The following SLC25A13 variants were observed in gnomAD, a reference collection of about 807,000 sequenced individuals.
SLC25A13 encodes electrogenic aspartate/glutamate antiporter SLC25A13, mitochondrial.
In SLC25A13, 70 loss-of-function variants were observed where a neutral mutation model predicts 85.5. The observed-to-expected ratio is 0.82, with a 90% CI of 0.68 to 1.00. SLC25A13 has a LOEUF of 1.00. Ranked by LOEUF, SLC25A13 falls within the 50% of genes least tolerant of loss-of-function variation. SLC25A13 has a pLI of 0.00. For synonymous variants in SLC25A13, 259 were observed against 288.7 expected (o/e 0.90, Z 1.04); for missense variants, 765 against 819.8 (o/e 0.93, Z 0.82).
chr7:96,194,553 T>G (rs966421153), intron 5 of SLC25A13, among the ~76,000 whole-genome samples: 1 of 151,600 alleles, frequency 6.6e-6, no homozygotes, highest in Non-Finnish European at 1.5e-5. Context: ...TAATTTTTAA[T>G]TTTAGTGAGA....
intron 1 of SLC25A13, among the ~76,000 whole-genome samples, chr7:96,317,942 C>G (rs1362241614): frequency 6.6e-6 from 1 of 151,910 alleles, no homozygotes; most frequent in East Asian, 1.9e-4. Context: ...GCCGGGACCA[C>G]AGATGCGTGC....
intron 5 of SLC25A13, among the ~76,000 whole-genome samples, chr7:96,194,277 A>C (rs1314115979): frequency 1.3e-5 from 2 of 150,858 alleles, no homozygotes; most frequent in Admixed American, 1.3e-4. Flanking sequence ...TCTACAAAAA[A>C]AAAAAAAAAA....
At chr7:96,170,004 A>G (rs1020788837) in intron 13 of SLC25A13, 41 bp downstream of exon 13, 1 of 1,585,414 alleles carries the variant, frequency 6.3e-7, no homozygotes, top group African/African-American at 1.3e-5. Flanking sequence ...ATATATGTGA[A>G]ACAAGTCTTT....
At chr7:96,305,665 A>T (rs1331337437) in intron 1 of SLC25A13, among the ~76,000 whole-genome samples, 2 of 152,252 alleles carry the variant, frequency 1.3e-5, no homozygotes, top group African/African-American at 4.8e-5. Context: ...ACGTATTTAT[A>T]AAGTGCTGAA....
chr7:96,168,224 C>T (rs1266869131), intron 13 of SLC25A13, among the ~76,000 whole-genome samples: 1 of 149,232 alleles, frequency 6.7e-6, no homozygotes, highest in Non-Finnish European at 1.5e-5. Context: ...CTGCTACCTA[C>T]AGGATTGCTT....
At chr7:96,221,243 G>T (rs1002522496) in intron 4 of SLC25A13, among the ~76,000 whole-genome samples, 28 of 152,124 alleles carry the variant, frequency 1.8e-4, no homozygotes, top group African/African-American at 6.0e-4. Context: ...CAGTACCCAG[G>T]CATGCCACAA....
chr7:96,205,554 T>C (rs1795427097), intron 5 of SLC25A13, among the ~76,000 whole-genome samples: 1 of 152,212 alleles, frequency 6.6e-6, no homozygotes, highest in African/African-American at 2.4e-5. Context: ...TGCTGAAATC[T>C]TTCCATTCCA....
chr7:96,208,899 A>T lies in SLC25A13; in HGVS notation c.407T>A (p.Leu136Gln). 6.2e-7 allele frequency: 1 copy of T among 1,614,100 alleles called. No individual in the cohort carries two copies. ...TCTTTTTCTTTCTTTTCCAAAATGT[A>T]GTTGCACAAATTCTGAATCCCAGTT... ...PFNWDSEFVQ[L>Q]HFGKERKRHL... The change falls in exon 5 of 18, where the codon CTA becomes CAA. Residue 136 changes from leucine to glutamine, a missense_variant. Leu to Gln is a moderately radical substitution (Grantham distance 113). Coordinates refer to ENST00000265631, the MANE Select transcript of SLC25A13 (RefSeq NM_014251.3).
At chr7:96,310,202 C>T (rs888147319) in intron 1 of SLC25A13, among the ~76,000 whole-genome samples, 2 of 152,130 alleles carry the variant, frequency 1.3e-5, no homozygotes, top group Admixed American at 6.6e-5. Flanking sequence ...CCAGCTGTTT[C>T]GATTCTTTTC....
At chr7:96,311,730 G>A (rs1799958554) in intron 1 of SLC25A13, among the ~76,000 whole-genome samples, 1 of 152,022 alleles carries the variant, frequency 6.6e-6, no homozygotes, top group African/African-American at 2.4e-5. Context: ...GAAAACTGAA[G>A]AGAAGAACTC....
At chr7:96,195,502 T>C (rs1249884826) in intron 5 of SLC25A13, among the ~76,000 whole-genome samples, 2 of 152,206 alleles carry the variant, frequency 1.3e-5, no homozygotes, top group Non-Finnish European at 2.9e-5. Context: ...GCTTGCAGTC[T>C]GGACCTCTGT....
intron 5 of SLC25A13, among the ~76,000 whole-genome samples, chr7:96,203,389 T>C (rs1160656549): frequency 6.6e-6 from 1 of 152,040 alleles, no homozygotes; most frequent in Non-Finnish European, 1.5e-5. Context: ...ATTTTTACAC[T>C]AAAATTTGGG....
intron 4 of SLC25A13, among the ~76,000 whole-genome samples, chr7:96,214,508 T>C (rs997965052): frequency 6.6e-6 from 1 of 152,062 alleles, no homozygotes; most frequent in Non-Finnish European, 1.5e-5. Flanking sequence ...AGGCGGATCA[T>C]TTCAGGTCAG....
intron 11 of SLC25A13, among the ~76,000 whole-genome samples, chr7:96,172,669 C>T (rs1794053697): frequency 6.6e-6 from 1 of 152,180 alleles, no homozygotes; most frequent in African/African-American, 2.4e-5. Flanking sequence ...GCCATCTGCT[C>T]TATTGCATGA....
chr7:96,188,384 A>T (rs1027466240), intron 9 of SLC25A13, among the ~76,000 whole-genome samples: 1 of 152,194 alleles, frequency 6.6e-6, no homozygotes, highest in African/African-American at 2.4e-5. Context: ...AGCTAAAAGA[A>T]GGGGGCCCTG....
chr7:96,252,716 T>C (rs772720403), intron 3 of SLC25A13, among the ~76,000 whole-genome samples: 16 of 152,120 alleles, frequency 1.1e-4, no homozygotes, highest in Non-Finnish European at 7.4e-5. Flanking sequence ...AATATTATCA[T>C]TGGATTCTGC....
intron 1 of SLC25A13, among the ~76,000 whole-genome samples, chr7:96,316,579 A>G (rs932032415): frequency 6.6e-6 from 1 of 152,236 alleles, no homozygotes; most frequent in African/African-American, 2.4e-5. Flanking sequence ...GTTCAAATCA[A>G]GACTGTAGCA....
At chr7:96,315,162 G>A (rs1409034180) in intron 1 of SLC25A13, among the ~76,000 whole-genome samples, 1 of 152,198 alleles carries the variant, frequency 6.6e-6, no homozygotes, top group African/African-American at 2.4e-5. Flanking sequence ...CTAAGACAAA[G>A]CTGTCAAGAA....
At chr7:96,210,246 C>T (rs2116722766) in intron 4 of SLC25A13, among the ~76,000 whole-genome samples, 1 of 152,278 alleles carries the variant, frequency 6.6e-6, no homozygotes, top group Non-Finnish European at 1.5e-5. Context: ...GGCAGAAATC[C>T]TCAGACTGGC....
Sources: gnomAD v4.1 joint callset for allele counts (sites outside exome capture counted in the v4.1 genomes callset) on GRCh38, gnomAD v4.1.1 for gene constraint, MANE v1.5 for transcripts, NCBI Gene and HGNC (gene_info 2026-07-23, HGNC 2026-07-21) for gene names.